TUSC3: variants seen among roughly 807,000 people sequenced by gnomAD.
TUSC3 encodes tumor suppressor candidate 3.
In TUSC3, 45 loss-of-function variants were observed where a neutral mutation model predicts 44.8. That is an observed-to-expected ratio of 1.00 (90% CI 0.79 to 1.29). TUSC3 has a LOEUF of 1.29. Ranked by LOEUF, TUSC3 falls within the 50% of genes most tolerant of loss-of-function variation. The pLI, the probability that TUSC3 is intolerant of heterozygous loss-of-function variation, is 0.00. For missense variants in TUSC3, 519 were observed against 437.9 expected (o/e 1.19, Z -1.65); for synonymous variants, 212 against 152.9 (o/e 1.39, Z -2.85).
At chr8:15,696,457 C>T (rs185658413) in intron 6 of TUSC3, among the ~76,000 whole-genome samples, 151 of 152,286 alleles carry the variant, frequency 9.9e-4, no homozygotes, top group Admixed American at 2.9e-3. Flanking sequence ...CACTCAAGAA[C>T]CTCTGCTAGA....
rs139751952 is a variant in TUSC3 at position 15,496,924 on chromosome 8, C to T, written n.189+13441C>T. On this transcript the variant is annotated intron_variant and non_coding_transcript_variant, in intron 2 of 5. Coordinates refer to the TUSC3 transcript ENST00000503191. Reference sequence around the variant, plus strand: ...AAGATGAATTTATTCATTCATTGCACGAATATTGATAACTTACTACCTGCC... The same window carrying T: ...AAGATGAATTTATTCATTCATTGCATGAATATTGATAACTTACTACCTGCC... Among the ~76,000 whole-genome samples the T allele has an allele frequency of 8.6e-5, 13 of 152,034 alleles. No homozygotes were observed. The East Asian group carries it at 1.5e-3, about 18-fold the overall frequency.
At chr8:15,665,011 AAAGTT>A (rs1807594747) in intron 5 of TUSC3, among the ~76,000 whole-genome samples, 1 of 151,646 alleles carries the variant, frequency 6.6e-6, no homozygotes, top group African/African-American at 2.4e-5. Flanking sequence ...ATTTCCTTAG[AAAGTT>A]AAGAGACTGT....
chr8:15,786,778 C>T, the TUSC3 span, among the ~76,000 whole-genome samples: 1 of 151,066 alleles, frequency 6.6e-6, no homozygotes, highest in Admixed American at 6.6e-5. Flanking sequence ...CCTGTCTCTG[C>T]TAAAAATTAA....
intron 1 of TUSC3, among the ~76,000 whole-genome samples, chr8:15,576,624 C>T (rs2129145094): frequency 6.9e-6 from 1 of 144,790 alleles, no homozygotes; most frequent in African/African-American, 2.6e-5. Flanking sequence ...ATCCATGTCC[C>T]TACAAAGGAC....
intron 9 of TUSC3, chr8:15,748,796 T>A (rs1041739341): frequency 5.8e-6 from 3 of 516,604 alleles, no homozygotes; most frequent in African/African-American, 5.7e-5. Context: ...CAAGATTGTT[T>A]TCTCATATAA....
Position 15,422,553 on chromosome 8 carries a change from C to T in TUSC3, n.91+5248C>T, listed in dbSNP as rs7844043. Among the ~76,000 whole-genome samples the T allele has an allele frequency of 3.5e-4, 53 of 152,068 alleles. 1 individual carries two copies. The highest frequency in any genetic ancestry group is 1.2e-3 in the African/African-American group (50 of 41,470). On this transcript the variant is annotated intron_variant and non_coding_transcript_variant, in intron 1 of 5. Transcript: ENST00000503191. ...TGATAACAATGTGTTATATTCATAACATTTGCTAAGACGGTAGATTTTAAC... is the reference window on the plus strand; with the variant it reads ...TGATAACAATGTGTTATATTCATAATATTTGCTAAGACGGTAGATTTTAAC...
At chr8:15,638,507 CT>C (rs1301269279) in intron 2 of TUSC3, among the ~76,000 whole-genome samples, 31 of 112,656 alleles carry the variant, frequency 2.8e-4, no homozygotes, top group African/African-American at 6.9e-4. Context: ...CTTTTTTTTT[CT>C]TTTTTTCTTT....
chr8:15,593,749 C>T (rs889556909), intron 1 of TUSC3, among the ~76,000 whole-genome samples: 1 of 152,034 alleles, frequency 6.6e-6, no homozygotes, highest in East Asian at 1.9e-4. Flanking sequence ...TTTTCCCTTT[C>T]TACATCCAAG....
chr8:15,512,931 C>CATATATATATATATATATATATATATAT (rs10696221), intron 2 of TUSC3, among the ~76,000 whole-genome samples: 2 of 110,598 alleles, frequency 1.8e-5, no homozygotes, highest in African/African-American at 8.6e-5. Flanking sequence ...TATATATAAT[C>CATATATATATATATATATATATATATAT]ATATATATAT....
intron 2 of TUSC3, among the ~76,000 whole-genome samples, chr8:15,530,376 T>C (rs1335255509): frequency 1.3e-5 from 2 of 152,234 alleles, no homozygotes; most frequent in Non-Finnish European, 2.9e-5. Flanking sequence ...TAAATATTTC[T>C]AGAAAAGCTA....
chr8:15,808,393 C>T, the TUSC3 span, among the ~76,000 whole-genome samples: 3 of 152,116 alleles, frequency 2.0e-5, no homozygotes, highest in Non-Finnish European at 4.4e-5. Context: ...TTATGTAACA[C>T]TTTCTTAATA....
At chr8:15,802,576 C>G in the TUSC3 span, among the ~76,000 whole-genome samples, 1 of 152,026 alleles carries the variant, frequency 6.6e-6, no homozygotes, top group African/African-American at 2.4e-5. Flanking sequence ...TGCACGCCAC[C>G]GTGCCCAGCT....
At chr8:15,491,641 C>A (rs1800810629) in intron 2 of TUSC3, among the ~76,000 whole-genome samples, 1 of 152,192 alleles carries the variant, frequency 6.6e-6, no homozygotes, top group African/African-American at 2.4e-5. Flanking sequence ...TCTAACCCTT[C>A]TGTGCAATAT....
intron 10 of TUSC3, among the ~76,000 whole-genome samples, chr8:15,760,149 T>C (rs1261974087): frequency 6.6e-6 from 1 of 152,174 alleles, no homozygotes; most frequent in African/African-American, 2.4e-5. Context: ...TTAAAATTCA[T>C]TAATAGCTAA....
chr8:15,438,547 C>A (rs889069901), intron 1 of TUSC3, among the ~76,000 whole-genome samples: 6 of 152,106 alleles, frequency 3.9e-5, no homozygotes, highest in African/African-American at 1.4e-4. Context: ...TTTTGGTGCT[C>A]CTGTGAAACA....
chr8:15,756,335 A>C (rs1392524469), intron 9 of TUSC3, among the ~76,000 whole-genome samples: 1 of 152,132 alleles, frequency 6.6e-6, no homozygotes, highest in African/African-American at 2.4e-5. Flanking sequence ...GATAAAACCT[A>C]CCTCAGAATT....
the TUSC3 span, among the ~76,000 whole-genome samples, chr8:15,819,105 C>T: frequency 6.6e-6 from 1 of 151,990 alleles, no homozygotes. Context: ...TCACAGCATT[C>T]TTGATTCTAG....
At chr8:15,671,470 G>C (rs1004580063) in intron 5 of TUSC3, among the ~76,000 whole-genome samples, 1 of 151,958 alleles carries the variant, frequency 6.6e-6, no homozygotes, top group Non-Finnish European at 1.5e-5. Flanking sequence ...AGGCTATTTT[G>C]CATTTTAGAA....
At chr8:15,524,115 T>G (rs2129129939) in intron 2 of TUSC3, among the ~76,000 whole-genome samples, 1 of 151,932 alleles carries the variant, frequency 6.6e-6, no homozygotes, top group Non-Finnish European at 1.5e-5. Flanking sequence ...TTAGATGCAT[T>G]TTTTTATACT....
Sources: allele counts gnomAD v4.1 joint callset (sites outside exome capture counted in the v4.1 genomes callset), GRCh38; gene constraint gnomAD v4.1.1; transcripts MANE v1.5; gene names NCBI Gene and HGNC (gene_info 2026-07-23, HGNC 2026-07-21).